The following DMD variants were observed in gnomAD, a reference collection of about 807,000 sequenced individuals.
The protein encoded by DMD is mutant dystrophin.
In DMD, 63 loss-of-function variants were observed where a neutral mutation model predicts 330.1. The ratio of observed to expected loss-of-function variants is 0.19; its 90% CI spans 0.16 to 0.24. The LOEUF (loss-of-function observed/expected upper bound fraction) is 0.24, where lower values mean the gene tolerates loss of function less well. Among genes scored for constraint, DMD ranks in the 10% least tolerant of loss-of-function variants. DMD has a pLI of 1.00. For missense variants in DMD, 3,344 were observed against 2,684.1 expected (o/e 1.25, Z -5.43); for synonymous variants, 1,223 against 959.8 (o/e 1.27, Z -5.07).
intron 59 of DMD, among the ~76,000 whole-genome samples, chrX:31,446,911 T>C (rs981830242): frequency 1.8e-5 from 2 of 111,799 alleles, no homozygotes; most frequent in Non-Finnish European, 3.8e-5. Flanking sequence ...AGGCAGCATC[T>C]TTCAGTGATA....
At chrX:31,601,454 C>T (rs1022016831) in intron 55 of DMD, among the ~76,000 whole-genome samples, 1 of 111,874 alleles carries the variant, frequency 8.9e-6, no homozygotes, top group Non-Finnish European at 1.9e-5. Flanking sequence ...GCCACTTGTA[C>T]ATGTTCCTAG....
intron 30 of DMD, among the ~76,000 whole-genome samples, chrX:32,407,415 A>G (rs1434008831): frequency 4.5e-5 from 5 of 111,709 alleles, no homozygotes; most frequent in Non-Finnish European, 9.4e-5. Context: ...GCAAATCAAA[A>G]CAACGAGATA....
chrX:32,273,297 A>G (rs762354772), intron 43 of DMD, among the ~76,000 whole-genome samples: 1 of 110,312 alleles, frequency 9.1e-6, no homozygotes, highest in Non-Finnish European at 1.9e-5. Flanking sequence ...AAAACAAAAC[A>G]AAACAAAACA....
intron 45 of DMD, among the ~76,000 whole-genome samples, chrX:31,939,189 A>T (rs934480052): frequency 4.5e-5 from 5 of 111,437 alleles, no homozygotes; most frequent in African/African-American, 1.6e-4. Flanking sequence ...CTCAGGCCAT[A>T]CCCTCCGTAG....
intron 44 of DMD, among the ~76,000 whole-genome samples, chrX:32,200,291 T>C (rs1271627514): frequency 3.6e-5 from 4 of 112,124 alleles, no homozygotes; most frequent in Non-Finnish European, 7.5e-5. Flanking sequence ...CAAAGTTTAC[T>C]AGTTATAAAA....
chrX:33,304,565 T>C (rs1304471391), intron 1 of DMD, among the ~76,000 whole-genome samples: 1 of 110,566 alleles, frequency 9.0e-6, no homozygotes, highest in Non-Finnish European at 1.9e-5. Flanking sequence ...AATTGACAAA[T>C]GGGATCTCAT....
At chrX:31,841,800 ATC>A (rs2093323360) in intron 48 of DMD, among the ~76,000 whole-genome samples, 1 of 112,041 alleles carries the variant, frequency 8.9e-6, no homozygotes, top group African/African-American at 3.2e-5. Flanking sequence ...AGAAGAAAAA[ATC>A]TCTTTCAATA....
chrX:32,470,733 T>A (rs968238110), intron 22 of DMD, among the ~76,000 whole-genome samples: 9 of 111,761 alleles, frequency 8.1e-5, no homozygotes, highest in African/African-American at 2.3e-4. Flanking sequence ...CATTTGGTAT[T>A]GTAGTAGAAT....
intron 19 of DMD, among the ~76,000 whole-genome samples, chrX:32,495,930 A>G (rs1012687684): frequency 8.9e-6 from 1 of 112,003 alleles, no homozygotes; most frequent in African/African-American, 3.2e-5. Flanking sequence ...TTGTTGTAGC[A>G]CATTAGAATC....
intron 1 of DMD, among the ~76,000 whole-genome samples, chrX:33,204,294 C>T (rs770932696): frequency 3.6e-5 from 4 of 111,961 alleles, no homozygotes; most frequent in Middle Eastern, 4.6e-3. Flanking sequence ...CAGATGCAAG[C>T]TTGTTCCACA....
chrX:32,178,830 G>GTGTGTGTGTGT (rs1569549001), intron 44 of DMD, among the ~76,000 whole-genome samples: 1,468 of 99,152 alleles, frequency 0.015, 31 homozygotes, highest in African/African-American at 0.053. Context: ...TATTCCAGGG[G>GTGTGTGTGTGT]GTGTGTGTGT....
chrX:33,249,011 A>G (rs923185550), intron 1 of DMD, among the ~76,000 whole-genome samples: 4 of 112,881 alleles, frequency 3.5e-5, no homozygotes, highest in Non-Finnish European at 5.6e-5. Context: ...CAGAATGCAG[A>G]GGGTTGTATT....
chrX:32,013,138 G>C (rs1437434742), intron 44 of DMD, among the ~76,000 whole-genome samples: 2 of 76,033 alleles, frequency 2.6e-5, no homozygotes, highest in South Asian at 8.5e-4. Context: ...CCAGGCTGGA[G>C]TGCAATGGCC....
intron 13 of DMD, among the ~76,000 whole-genome samples, chrX:32,592,383 G>A (rs184795280): frequency 1.2e-4 from 13 of 111,064 alleles, no homozygotes; most frequent in African/African-American, 2.3e-4. Flanking sequence ...ACTACCAGCC[G>A]CAGGAAGGAG....
At chrX:33,234,651 A>T (rs777514987) in intron 1 of DMD, among the ~76,000 whole-genome samples, 7 of 111,979 alleles carry the variant, frequency 6.3e-5, no homozygotes, top group African/African-American at 2.3e-4. Context: ...CACTGACATG[A>T]TTCAATGAAC....
intron 12 of DMD, among the ~76,000 whole-genome samples, chrX:32,599,466 G>C (rs1386821928): frequency 9.0e-6 from 1 of 111,292 alleles, no homozygotes; most frequent in African/African-American, 3.3e-5. Context: ...AGTGTTGTAA[G>C]GCTATATTTA....
intron 1 of DMD, among the ~76,000 whole-genome samples, chrX:33,148,050 T>C (rs1438161980): frequency 8.9e-6 from 1 of 111,783 alleles, no homozygotes; most frequent in Non-Finnish European, 1.9e-5. Context: ...CACCACAAAA[T>C]CCTTTATAGA....
chrX:31,142,327 A>T (rs1211281040), intron 76 of DMD, among the ~76,000 whole-genome samples: 2 of 112,014 alleles, frequency 1.8e-5, no homozygotes, highest in Non-Finnish European at 3.8e-5. Flanking sequence ...GTGAAAAAAA[A>T]ATCCACAAAC....
At chrX:31,478,420 T>A (rs772218027) in intron 58 of DMD, 46 bp from the exon 59 acceptor site, 149 of 1,200,063 alleles carry the variant, frequency 1.2e-4, no homozygotes, top group Non-Finnish European at 1.5e-4. Flanking sequence ...TCTTTTTTTT[T>A]AAACATTGTC....
Sources: gnomAD v4.1 joint callset for allele counts (sites outside exome capture counted in the v4.1 genomes callset) on GRCh38, gnomAD v4.1.1 for gene constraint, MANE v1.5 for transcripts, NCBI Gene and HGNC (gene_info 2026-07-23, HGNC 2026-07-21) for gene names.